ERH: variants seen among roughly 807,000 people sequenced by gnomAD.
The protein encoded by ERH is enhancer of rudimentary homolog.
Under a neutral mutation model 16.8 loss-of-function variants are expected in ERH, and 1 was observed. The ratio of observed to expected loss-of-function variants is 0.06; its 90% CI spans 0.02 to 0.28. ERH has a LOEUF of 0.28. Among genes scored for constraint, ERH ranks in the 10% least tolerant of loss-of-function variants. ERH has a pLI of 1.00. For missense variants in ERH, 42 were observed against 127.5 expected, an observed-to-expected ratio of 0.33 and a Z score of 3.23; for synonymous variants, 43 against 43.6, an observed-to-expected ratio of 0.99 and a Z score of 0.05.
chr14:69,390,114 AG>A (rs2045915688), intron 2 of ERH, among the ~76,000 whole-genome samples: 1 of 152,190 alleles, frequency 6.6e-6, no homozygotes, highest in Non-Finnish European at 1.5e-5. Context: ...CATGTTCATG[AG>A]TTGGAAGACC....
intron 2 of ERH, among the ~76,000 whole-genome samples, chr14:69,387,711 A>AAAAAAAAAT (rs2045900520): frequency 6.6e-6 from 1 of 151,002 alleles, no homozygotes; most frequent in Non-Finnish European, 1.5e-5. Context: ...AAAAAAAAAA[A>AAAAAAAAAT]TTGGCAACAA....
In ERH at chr14:69,380,432, T is replaced by G. The variant is rs1425062135; in HGVS notation, c.*106A>C. ...AATACAGTCAATCTTGGCTAGAGTA[T>G]AACAAAGTGGAAACAGGATTACTAT... On this transcript the variant is annotated 3_prime_UTR_variant, in exon 4 of 4. Transcript: ENST00000557016. 1 of 646,540 alleles carries G rather than the reference T, an allele frequency of 1.5e-6. No individual in the cohort carries two copies. The highest frequency in any genetic ancestry group is 2.8e-6 in the Non-Finnish European group (1 of 352,398). The allele number at this position is 646,540 out of a possible 1,614,324, so 40.1% of individuals were successfully genotyped here.
At chr14:69,385,219 GA>G (rs998349405) in intron 3 of ERH, among the ~76,000 whole-genome samples, 1 of 151,930 alleles carries the variant, frequency 6.6e-6, no homozygotes, top group African/African-American at 2.4e-5. Context: ...GAGAGACTAG[GA>G]AAAAAATCCC....
chr14:69,392,320 A>G (rs969670438), intron 2 of ERH, among the ~76,000 whole-genome samples: 18 of 152,230 alleles, frequency 1.2e-4, no homozygotes, highest in Non-Finnish European at 2.5e-4. Context: ...TGGGAAATAA[A>G]TCACCACTTT....
chr14:69,394,778 T>C, intron 2 of ERH, 47 bp downstream of exon 2: 1 of 1,441,272 alleles, frequency 6.9e-7, no homozygotes, highest in Non-Finnish European at 9.6e-7. Flanking sequence ...AAAAACCCAG[T>C]TCCTAAATGA....
intron 1 of ERH, among the ~76,000 whole-genome samples, chr14:69,396,466 G>A (rs925729842): frequency 6.6e-6 from 1 of 152,174 alleles, no homozygotes; most frequent in African/African-American, 2.4e-5. Flanking sequence ...TCTCCATGTT[G>A]GTCAGACTGG....
intron 2 of ERH, among the ~76,000 whole-genome samples, chr14:69,393,465 A>G (rs970794069): frequency 9.9e-5 from 15 of 152,262 alleles, no homozygotes; most frequent in African/African-American, 3.6e-4. Context: ...CACACATCCC[A>G]TGGAATACTA....
chr14:69,383,653 A>G (rs992201953), intron 3 of ERH, among the ~76,000 whole-genome samples: 1 of 152,248 alleles, frequency 6.6e-6, no homozygotes, highest in Non-Finnish European at 1.5e-5. Context: ...AAGCTATGAT[A>G]ATTTACGGTT....
intron 2 of ERH, among the ~76,000 whole-genome samples, chr14:69,394,558 C>T (rs1245744588): frequency 6.6e-6 from 1 of 152,246 alleles, no homozygotes; most frequent in Non-Finnish European, 1.5e-5. Flanking sequence ...GATCGCATTA[C>T]TGCACTCCAG....
chr14:69,386,204 G>C (rs1245225286), intron 3 of ERH, among the ~76,000 whole-genome samples: 1 of 152,214 alleles, frequency 6.6e-6, no homozygotes, highest in African/African-American at 2.4e-5. Flanking sequence ...AGACAGCATG[G>C]TGCAGCCACA....
chr14:69,390,760 AAACATC>A (rs2045919575), intron 2 of ERH, among the ~76,000 whole-genome samples: 1 of 152,242 alleles, frequency 6.6e-6, no homozygotes, highest in Non-Finnish European at 1.5e-5. Context: ...AACCTTTATA[AAACATC>A]TATCTGATAA....
chr14:69,387,369 T>A (rs1412756766), intron 2 of ERH, among the ~76,000 whole-genome samples: 1 of 151,984 alleles, frequency 6.6e-6, no homozygotes, highest in Admixed American at 6.6e-5. Flanking sequence ...CCAGCCTGCC[T>A]GGGCAACACA....
intron 2 of ERH, among the ~76,000 whole-genome samples, chr14:69,388,183 T>C (rs537658239): frequency 6.6e-6 from 1 of 152,298 alleles, no homozygotes; most frequent in East Asian, 1.9e-4. Context: ...TGCCTCTTCA[T>C]AGAATTGTGA....
intron 3 of ERH, among the ~76,000 whole-genome samples, chr14:69,386,084 G>C (rs2045890825): frequency 6.6e-6 from 1 of 152,172 alleles, no homozygotes; most frequent in Non-Finnish European, 1.5e-5. Context: ...ACATTCATTT[G>C]AATGTTCTGA....
chr14:69,380,443 A>C lies in ERH; in HGVS notation c.*95T>G. Reference sequence around the variant, plus strand: ...TCTTGGCTAGAGTATAACAAAGTGGAAACAGGATTACTATGATACAAAACT... The same window carrying C: ...TCTTGGCTAGAGTATAACAAAGTGGCAACAGGATTACTATGATACAAAACT... On this transcript the variant is annotated 3_prime_UTR_variant, in exon 4 of 4. Coordinates refer to ENST00000557016, the MANE Select transcript of ERH (RefSeq NM_004450.3). The C allele has an allele frequency of 1.5e-6, 1 of 672,890 alleles. No homozygotes were observed. The highest frequency in any genetic ancestry group is 2.7e-6 in the Non-Finnish European group (1 of 370,080). The allele number at this position is 672,890 out of a possible 1,614,324, so 41.7% of individuals were successfully genotyped here. A position where few individuals can be genotyped will look rare whatever the true frequency, so the allele number is the denominator to read the frequency against.
At chr14:69,382,658 C>T (rs2045869330) in intron 3 of ERH, among the ~76,000 whole-genome samples, 1 of 149,116 alleles carries the variant, frequency 6.7e-6, no homozygotes, top group South Asian at 2.1e-4. Flanking sequence ...ATTGTGAAAC[C>T]CCGTCTCCAC....
chr14:69,390,124 C>A (rs908405750), intron 2 of ERH, among the ~76,000 whole-genome samples: 12 of 150,178 alleles, frequency 8.0e-5, no homozygotes, highest in Non-Finnish European at 8.9e-5. Flanking sequence ...AGTTGGAAGA[C>A]CTGATGCCAA....
At chr14:69,387,163 A>G (rs768278407) in intron 2 of ERH, 80 bp from the exon 3 acceptor site, 17 of 1,110,966 alleles carry the variant, frequency 1.5e-5, no homozygotes, top group Non-Finnish European at 1.9e-5. Flanking sequence ...GAGCTGTGCT[A>G]TATGTTGATA....
At chr14:69,381,340 TA>T (rs1367603228) in intron 3 of ERH, among the ~76,000 whole-genome samples, 8 of 152,200 alleles carry the variant, frequency 5.3e-5, no homozygotes, top group Non-Finnish European at 1.2e-4. Context: ...AAAAAACCTT[TA>T]AAAAACATGT....
Sources: allele counts gnomAD v4.1 joint callset (sites outside exome capture counted in the v4.1 genomes callset), GRCh38; gene constraint gnomAD v4.1.1; transcripts MANE v1.5; gene names NCBI Gene and HGNC (gene_info 2026-07-23, HGNC 2026-07-21).